Variants in TSPAN9 observed in about 807,000 individuals in gnomAD.
The protein encoded by TSPAN9 is tetraspanin-9.
In TSPAN9, 16 loss-of-function variants were observed where a neutral mutation model predicts 31.0. The observed-to-expected ratio is 0.52, with a 90% CI of 0.35 to 0.78. The LOEUF is 0.78. Among genes scored for constraint, TSPAN9 ranks in the 30% least tolerant of loss-of-function variants. The probability of loss-of-function intolerance (pLI) is 0.01; values close to 1 mark genes in which losing one functional copy is unlikely to be tolerated. For synonymous variants in TSPAN9, 145 were observed against 121.6 expected (o/e 1.19, Z -1.27); for missense variants, 272 against 312.5 (o/e 0.87, Z 0.98).
At chr12:3,202,920 C>A (rs1375368048) in intron 3 of TSPAN9, among the ~76,000 whole-genome samples, 3 of 152,222 alleles carry the variant, frequency 2.0e-5, no homozygotes, top group Non-Finnish European at 4.4e-5. Flanking sequence ...CCTCCTGGTC[C>A]TGTGACCCAT....
chr12:3,121,983 G>A (rs1436715022), intron 2 of TSPAN9, among the ~76,000 whole-genome samples: 1 of 152,116 alleles, frequency 6.6e-6, no homozygotes, highest in African/African-American at 2.4e-5. Context: ...TTTAAACTGT[G>A]AACCATCCTG....
At chr12:3,268,228 CTGTGTTCCTGCAGCCTGCCCTCT>C (rs1565639240) in intron 3 of TSPAN9, among the ~76,000 whole-genome samples, 1 of 64,264 alleles carries the variant, frequency 1.6e-5, no homozygotes, top group Non-Finnish European at 3.4e-5. Context: ...CCTGCCCTCT[CTGTGTTCCTGCAGCCTGCCCTCT>C]GTGCATTCCT....
At chr12:3,213,611 G>A in intron 3 of TSPAN9, among the ~76,000 whole-genome samples, 1 of 152,270 alleles carries the variant, frequency 6.6e-6, no homozygotes, top group East Asian at 1.9e-4. Context: ...GCTAAAGAGA[G>A]CTGCAGCGAA....
At chr12:3,085,459 T>C (rs6489433) in intron 2 of TSPAN9, among the ~76,000 whole-genome samples, 101,798 of 151,540 alleles carry the variant, frequency 0.67, 35,244 homozygotes, top group African/African-American at 0.84. Flanking sequence ...GTGAGGGAGA[T>C]GTGAGTGGAG....
At chr12:3,268,021 C>T (rs1176901386) in intron 3 of TSPAN9, among the ~76,000 whole-genome samples, 2 of 152,230 alleles carry the variant, frequency 1.3e-5, no homozygotes. Context: ...ACCCCCTACT[C>T]TCCCAGCAAA....
chr12:3,141,765 C>A (rs1400991474), intron 2 of TSPAN9, among the ~76,000 whole-genome samples: 1 of 152,162 alleles, frequency 6.6e-6, no homozygotes. Context: ...TGAGTTGGGG[C>A]CACCCATGCT....
chr12:3,177,820 CAAA>C (rs1446390094), intron 2 of TSPAN9, among the ~76,000 whole-genome samples: 1 of 152,216 alleles, frequency 6.6e-6, no homozygotes, highest in Middle Eastern at 3.2e-3. Flanking sequence ...AACCAGGAAA[CAAA>C]GAAGTGAAAT....
chr12:3,134,283 C>T (rs572004933), intron 2 of TSPAN9, among the ~76,000 whole-genome samples: 25 of 152,224 alleles, frequency 1.6e-4, no homozygotes, highest in African/African-American at 5.8e-4. Flanking sequence ...TTCTCCTCTC[C>T]GAAGATGAGA....
Position 3,286,469 on chromosome 12 carries a change from A to G in TSPAN9, c.*3353A>G, listed in dbSNP as rs144544609. The G allele has an allele frequency of 2.0e-5, 3 of 152,676 alleles. No homozygotes were observed. The highest frequency in any genetic ancestry group is 3.9e-4 in the East Asian group (2 of 5,154). The allele number at this position is 152,676 out of a possible 1,614,324, so 9.5% of individuals were successfully genotyped here. A position where few individuals can be genotyped will look rare whatever the true frequency, so the allele number is the denominator to read the frequency against. ...ATGCACTTTCTGCTTGCATTGCCGT[A>G]TCTGTGCGTTCCTTCATCCTGGTCC... is the stretch of plus-strand genomic sequence containing the variant. On this transcript the variant is annotated 3_prime_UTR_variant, in exon 9 of 9. Coordinates refer to ENST00000011898, the MANE Select transcript of TSPAN9 (RefSeq NM_006675.5). The surrounding 1 kb of genome is among the most constrained non-coding windows in gnomAD (Gnocchi z 4.1).
intron 3 of TSPAN9, among the ~76,000 whole-genome samples, chr12:3,255,743 C>T (rs1028153815): frequency 3.9e-5 from 6 of 152,232 alleles, no homozygotes; most frequent in East Asian, 1.9e-4. Flanking sequence ...ATCTTTCAAA[C>T]AGACATGCTC....
intron 3 of TSPAN9, among the ~76,000 whole-genome samples, chr12:3,274,709 G>T (rs1298578691): frequency 6.6e-6 from 1 of 152,246 alleles, no homozygotes; most frequent in Non-Finnish European, 1.5e-5. Flanking sequence ...TTCTTGCCGG[G>T]AGGCTCTGTT....
chr12:3,282,501 G>A (rs967746362), intron 8 of TSPAN9, among the ~76,000 whole-genome samples: 12 of 152,152 alleles, frequency 7.9e-5, no homozygotes, highest in African/African-American at 2.4e-4. Context: ...TCAAGCCATC[G>A]TCCCACTTCA....
chr12:3,162,212 C>T (rs117231448), intron 2 of TSPAN9, among the ~76,000 whole-genome samples: 2,870 of 152,250 alleles, frequency 0.019, 29 homozygotes, highest in South Asian at 0.044. Flanking sequence ...TATGCCGACT[C>T]GCTTCTGCCT....
At chr12:3,262,743 G>A (rs1162334247) in intron 3 of TSPAN9, among the ~76,000 whole-genome samples, 5 of 152,074 alleles carry the variant, frequency 3.3e-5, no homozygotes, top group Non-Finnish European at 5.9e-5. Context: ...TGAGTAAAGC[G>A]CCTGGACTCA....
At chr12:3,217,177 G>A (rs3825359) in intron 3 of TSPAN9, among the ~76,000 whole-genome samples, 41,170 of 152,188 alleles carry the variant, frequency 0.27, 6,614 homozygotes, top group East Asian at 0.53. Flanking sequence ...ACTGTATTTA[G>A]GAGATAACTG....
intron 3 of TSPAN9, among the ~76,000 whole-genome samples, chr12:3,220,459 G>A (rs993187797): frequency 9.2e-5 from 14 of 152,280 alleles, no homozygotes; most frequent in African/African-American, 2.6e-4. Flanking sequence ...ACTCTCCAGC[G>A]GTGCCTGCAT....
At chr12:3,152,467 G>A (rs1405151006) in intron 2 of TSPAN9, among the ~76,000 whole-genome samples, 1 of 152,212 alleles carries the variant, frequency 6.6e-6, no homozygotes, top group African/African-American at 2.4e-5. Context: ...GTTCCTGAGT[G>A]TCCCCAGCGA....
intron 3 of TSPAN9, among the ~76,000 whole-genome samples, chr12:3,235,704 C>T (rs960639547): frequency 1.3e-5 from 2 of 152,154 alleles, no homozygotes; most frequent in South Asian, 2.1e-4. Flanking sequence ...ATGGGGAAGG[C>T]GGTGCCTCTG....
intron 3 of TSPAN9, among the ~76,000 whole-genome samples, chr12:3,216,510 A>T (rs550622037): frequency 3.2e-4 from 49 of 152,316 alleles, no homozygotes; most frequent in African/African-American, 9.9e-4. Context: ...GTACCGTCTC[A>T]AAGCACCCAA....
Sources: gnomAD v4.1 joint callset for allele counts (sites outside exome capture counted in the v4.1 genomes callset) on GRCh38, gnomAD v4.1.1 for gene constraint, Gnocchi (gnomAD v3.1) non-coding constraint, MANE v1.5 for transcripts, NCBI Gene and HGNC (gene_info 2026-07-23, HGNC 2026-07-21) for gene names.